Variants in XXYLT1 observed in about 807,000 individuals in gnomAD.
XXYLT1 encodes the protein UDP-xylose:alpha-xyloside alpha-1,3-xylosyltransferase.
A neutral mutation model predicts 28.9 loss-of-function variants in XXYLT1; 20 were observed. That is an observed-to-expected ratio of 0.69 (90% confidence interval 0.49 to 1.00). The LOEUF is 1.00. Among genes scored for constraint, XXYLT1 ranks in the 50% least tolerant of loss-of-function variants. The pLI is 0.00. For missense variants in XXYLT1, 542 were observed against 560.1 expected (o/e 0.97, Z 0.33); for synonymous variants, 257 against 253.8 (o/e 1.01, Z -0.12).
chr3:195,101,120 C>G (rs1273909740), intron 3 of XXYLT1, among the ~76,000 whole-genome samples: 1 of 152,274 alleles, frequency 6.6e-6, no homozygotes, highest in African/African-American at 2.4e-5. Flanking sequence ...AAGCACCTCC[C>G]AGCACGTGAC....
chr3:195,208,579 C>G (rs574852038), intron 2 of XXYLT1, among the ~76,000 whole-genome samples: 6 of 152,322 alleles, frequency 3.9e-5, no homozygotes, highest in Admixed American at 3.9e-4. Flanking sequence ...AAAGGCCATG[C>G]AAGCTTCAGT....
intron 2 of XXYLT1, among the ~76,000 whole-genome samples, chr3:195,164,672 C>T (rs751355874): frequency 2.6e-5 from 4 of 152,228 alleles, no homozygotes; most frequent in Non-Finnish European, 5.9e-5. Context: ...CAGGATGCCT[C>T]ACCTTGGGGT....
chr3:195,136,432 G>A (rs1719204189), intron 3 of XXYLT1, among the ~76,000 whole-genome samples: 1 of 152,146 alleles, frequency 6.6e-6, no homozygotes, highest in Non-Finnish European at 1.5e-5. Flanking sequence ...GGAAATAGAG[G>A]ATGTGGTCTA....
intron 1 of XXYLT1, among the ~76,000 whole-genome samples, chr3:195,249,359 C>T (rs1725161004): frequency 6.6e-6 from 1 of 152,218 alleles, no homozygotes; most frequent in African/African-American, 2.4e-5. Context: ...AGGCATAGGG[C>T]TCACATCAGG....
intron 1 of XXYLT1, chr3:195,259,482 A>G: frequency 1.4e-6 from 1 of 694,764 alleles, no homozygotes; most frequent in Non-Finnish European, 1.8e-6. Flanking sequence ...GCTGTGAGGA[A>G]GGGCAGCAGG....
At position 195,088,523 on chromosome 3, in the gene XXYLT1, T is replaced by C. The variant is rs1412093227; in HGVS notation, c.786-18412A>G. Among the ~76,000 whole-genome samples the C allele has an allele frequency of 3.2e-5, 4 of 125,870 alleles. No individual in the cohort carries two copies. In the East Asian group the frequency reaches 9.7e-4, roughly 31 times the overall value. 82.6% of individuals were successfully genotyped at this position (125,870 alleles called of 152,430 possible). A position where few individuals can be genotyped will look rare whatever the true frequency, so the allele number is the denominator to read the frequency against. On this transcript the variant is annotated intron_variant, in intron 3 of 3. Transcript: ENST00000310380. ...AGGACATCCACACCAAAAACCCATC[T>C]GTACATCACCATCATCAAAGACCAA...
Position 195,176,617 on chromosome 3 carries a change from T to G in XXYLT1, c.653-20036A>C, listed in dbSNP as rs1721678343. ...GCTCCCTAGCTTCTCCAGTTCCTCA[T>G]GTTTGGAGATACATTGATGTTGATG... On this transcript the variant is annotated intron_variant, in intron 2 of 3. Transcript: ENST00000310380. The surrounding 1 kb of genome is among the most constrained non-coding windows in gnomAD (Gnocchi z 4.9). Among the ~76,000 whole-genome samples the G allele has an allele frequency of 6.6e-6, 1 of 152,198 alleles. No homozygotes were observed. The highest frequency in any genetic ancestry group is 1.5e-5 in the Non-Finnish European group (1 of 68,036).
chr3:195,226,877 A>AT, intron 1 of XXYLT1, 21 bp from the exon 2 acceptor site: 3 of 1,611,258 alleles, frequency 1.9e-6, no homozygotes, highest in Non-Finnish European at 8.5e-7. Flanking sequence ...TGCAAAAAAA[A>AT]CCAAGGCTCA....
chr3:195,150,539 T>C lies in XXYLT1; in HGVS notation c.785+5910A>G, dbSNP rs1330968371. ...GGTGAACGAGCGGACATGATTAAAA[T>C]ACTTAACACAAAAGCGAATTCCCGC... is the stretch of plus-strand genomic sequence containing the variant. On this transcript the variant is annotated intron_variant, in intron 3 of 3. Transcript: ENST00000310380. The surrounding 1 kb of genome is among the most constrained non-coding windows in gnomAD (Gnocchi z 4.7). 3.3e-5 allele frequency among the ~76,000 whole-genome samples: 5 copies of C among 152,140 alleles called. No homozygotes were observed. Among genetic ancestry groups the C allele is most frequent in the Admixed American group, 6.5e-5 (1 of 15,278 alleles).
In XXYLT1 at chr3:195,127,165, C is replaced by T. The variant is rs140288435; in HGVS notation, c.785+29284G>A. 6.6e-5 allele frequency among the ~76,000 whole-genome samples: 10 copies of T among 152,208 alleles called. No individual in the cohort carries two copies. The East Asian group carries it at 1.9e-3, about 29-fold the overall frequency. On this transcript the variant is annotated intron_variant, in intron 3 of 3. Coordinates refer to ENST00000310380, the MANE Select transcript of XXYLT1 (RefSeq NM_152531.5). Reference sequence around the variant, plus strand: ...GGAAAAGCCTTCTCCAACACAGCTCCCCGGTAAACATGAGTGTTCAGAGAT... The same window carrying T: ...GGAAAAGCCTTCTCCAACACAGCTCTCCGGTAAACATGAGTGTTCAGAGAT...
chr3:195,218,928 A>G (rs1723697380), intron 2 of XXYLT1, among the ~76,000 whole-genome samples: 1 of 151,942 alleles, frequency 6.6e-6, no homozygotes. Context: ...ATGTCCAACA[A>G]TGATAGACTG....
In XXYLT1 at chr3:195,150,833, C is replaced by T. The variant is rs901133571; in HGVS notation, c.785+5616G>A. Among the ~76,000 whole-genome samples the T allele has an allele frequency of 1.6e-4, 21 of 133,086 alleles. 1 individual carries two copies. In the East Asian group the frequency reaches 4.2e-3, roughly 27 times the overall value. 87.3% of individuals were successfully genotyped at this position (133,086 alleles called of 152,430 possible). ...TCACATACACACACACTCACACATA[C>T]GCACACTCTCTCACACACTCTCACA... On this transcript the variant is annotated intron_variant, in intron 3 of 3. Transcript: ENST00000310380. The surrounding 1 kb of genome is among the most constrained non-coding windows in gnomAD (Gnocchi z 4.7).
At chr3:195,177,852 T>C (rs888231561) in intron 2 of XXYLT1, among the ~76,000 whole-genome samples, 1 of 151,618 alleles carries the variant, frequency 6.6e-6, no homozygotes, top group Non-Finnish European at 1.5e-5. Flanking sequence ...GGGTAATTGC[T>C]TGAGTCCAGG....
At chr3:195,086,796 G>A (rs1715754366) in intron 3 of XXYLT1, among the ~76,000 whole-genome samples, 1 of 152,060 alleles carries the variant, frequency 6.6e-6, no homozygotes, top group African/African-American at 2.4e-5. Context: ...GCAGGTGTAT[G>A]ACTAGCTCTA....
chr3:195,249,566 CAG>C (rs1221857717), intron 1 of XXYLT1, among the ~76,000 whole-genome samples: 2 of 152,222 alleles, frequency 1.3e-5, no homozygotes, highest in Non-Finnish European at 2.9e-5. Context: ...CAGTCGTGGC[CAG>C]AGAGGGGAAG....
At chr3:195,074,248 T>C (rs1042074150) in intron 3 of XXYLT1, among the ~76,000 whole-genome samples, 13 of 152,224 alleles carry the variant, frequency 8.5e-5, no homozygotes, top group African/African-American at 3.1e-4. Context: ...AAGTTCAGGC[T>C]GTAGACTGTC....
chr3:195,267,008 C>A (rs1037655432), intron 1 of XXYLT1, among the ~76,000 whole-genome samples: 6 of 152,240 alleles, frequency 3.9e-5, no homozygotes, highest in African/African-American at 1.2e-4. Flanking sequence ...TTAATTAAAA[C>A]CTTCAAACAT....
chr3:195,088,910 G>A (rs1389704625), intron 3 of XXYLT1, among the ~76,000 whole-genome samples: 1 of 151,336 alleles, frequency 6.6e-6, no homozygotes, highest in Non-Finnish European at 1.5e-5. Context: ...GCAATCAACT[G>A]GAAGAAAGGG....
intron 3 of XXYLT1, among the ~76,000 whole-genome samples, chr3:195,131,067 C>A (rs560879762): frequency 7.0e-6 from 1 of 142,930 alleles, no homozygotes; most frequent in African/African-American, 2.7e-5. Context: ...CCCTCTACGG[C>A]CTATTCTCAG....
Sources: gnomAD v4.1 joint callset for allele counts (sites outside exome capture counted in the v4.1 genomes callset) on GRCh38, gnomAD v4.1.1 for gene constraint, Gnocchi (gnomAD v3.1) non-coding constraint, MANE v1.5 for transcripts, NCBI Gene and HGNC (gene_info 2026-07-23, HGNC 2026-07-21) for gene names.